The following PLPPR1 variants were observed in gnomAD, a reference collection of about 807,000 sequenced individuals.
PLPPR1 encodes phospholipid phosphatase related 1, also known as phospholipid phosphatase-related protein type 1.
A neutral mutation model predicts 33.1 loss-of-function variants in PLPPR1; 10 were observed. That is an observed-to-expected ratio of 0.30 (90% confidence interval 0.19 to 0.51). The LOEUF (loss-of-function observed/expected upper bound fraction) is 0.51, where lower values mean the gene tolerates loss of function less well. Ranked by LOEUF, PLPPR1 falls within the 20% of genes least tolerant of loss-of-function variation. PLPPR1 has a pLI of 0.97. For missense variants in PLPPR1, 304 were observed against 408.1 expected (o/e 0.74, Z 2.20); for synonymous variants, 151 against 151.0 (o/e 1.00, Z 0.00).
chr9:101,251,518 T>G (rs1827712317), intron 2 of PLPPR1, among the ~76,000 whole-genome samples: 1 of 152,102 alleles, frequency 6.6e-6, no homozygotes, highest in Non-Finnish European at 1.5e-5. Flanking sequence ...AGGGTCAATC[T>G]CTTCAATGAC....
chr9:101,046,745 C>T (rs1830155371), intron 1 of PLPPR1, among the ~76,000 whole-genome samples: 2 of 152,232 alleles, frequency 1.3e-5, no homozygotes, highest in Non-Finnish European at 2.9e-5. Context: ...ACCCGGGCTA[C>T]CTCTTTTAGT....
chr9:101,080,629 C>T (rs1250032954), intron 1 of PLPPR1, among the ~76,000 whole-genome samples: 3 of 152,208 alleles, frequency 2.0e-5, no homozygotes, highest in Non-Finnish European at 1.5e-5. Context: ...AGAATTTTCT[C>T]TTTGGCTGGT....
At chr9:101,301,456 A>G (rs1228314286) in intron 4 of PLPPR1, among the ~76,000 whole-genome samples, 1 of 152,232 alleles carries the variant, frequency 6.6e-6, no homozygotes, top group Non-Finnish European at 1.5e-5. Flanking sequence ...CCTGTGATAC[A>G]AGGCATACTT....
chr9:101,261,005 A>C (rs559589320), intron 2 of PLPPR1, among the ~76,000 whole-genome samples: 1 of 152,292 alleles, frequency 6.6e-6, no homozygotes, highest in South Asian at 2.1e-4. Flanking sequence ...AGCAAATAGA[A>C]ATTTAAAAGC....
intron 3 of PLPPR1, among the ~76,000 whole-genome samples, chr9:101,278,393 A>C (rs1249195586): frequency 6.6e-6 from 1 of 152,242 alleles, no homozygotes; most frequent in African/African-American, 2.4e-5. Context: ...TTGAGCAGCT[A>C]TCCATGCGCT....
In PLPPR1 at chr9:101,128,007, G is replaced by T. The variant is rs555605764; in HGVS notation, c.-45-57443G>T. Among the ~76,000 whole-genome samples, 107 of 152,278 alleles carry T rather than the reference G, an allele frequency of 7.0e-4. 1 individual carries two copies. Among genetic ancestry groups the T allele is most frequent in the Non-Finnish European group, 1.2e-3 (79 of 68,026 alleles). ...TGTGTAGGTGATACTGGGCTGAGGT[G>T]CAGGTAAGGATTAAGGTTAACAGAA... On this transcript the variant is annotated intron_variant, in intron 1 of 7. Coordinates refer to ENST00000374874, the MANE Select transcript of PLPPR1 (RefSeq NM_207299.2).
At chr9:101,123,674 G>A (rs968369237) in intron 1 of PLPPR1, among the ~76,000 whole-genome samples, 2 of 152,152 alleles carry the variant, frequency 1.3e-5, no homozygotes, top group African/African-American at 4.8e-5. Context: ...ATTTACAGCT[G>A]GGATGGCTTA....
intron 4 of PLPPR1, among the ~76,000 whole-genome samples, chr9:101,288,042 A>G (rs1828426463): frequency 6.6e-6 from 1 of 152,210 alleles, no homozygotes; most frequent in Non-Finnish European, 1.5e-5. Flanking sequence ...CCCTTGGCAA[A>G]GATAAATTAT....
chr9:101,291,827 G>C (rs10123108), intron 4 of PLPPR1, among the ~76,000 whole-genome samples: 52,963 of 151,886 alleles, frequency 0.35, 10,360 homozygotes, highest in African/African-American at 0.54. Flanking sequence ...TAGATAAAAC[G>C]ACAAAGATGG....
At chr9:101,267,115 G>A (rs111243156) in intron 2 of PLPPR1, among the ~76,000 whole-genome samples, 5 of 152,098 alleles carry the variant, frequency 3.3e-5, no homozygotes, top group South Asian at 2.1e-4. Flanking sequence ...GGGGACAGAC[G>A]GAACTCCAGA....
At chr9:101,038,970 CAT>C (rs1420258618) in intron 1 of PLPPR1, among the ~76,000 whole-genome samples, 1 of 152,084 alleles carries the variant, frequency 6.6e-6, no homozygotes, top group East Asian at 1.9e-4. Flanking sequence ...CATCTGTAAA[CAT>C]ATTGGTAGAG....
rs7855910 is a variant in PLPPR1, at chr9:101,313,783, A to G, written c.813+809A>G. ...GTATACAATAAATGACACATCAAGT[A>G]TACAATTTGATCAATTTTGGCATAC... On this transcript the variant is annotated intron_variant, in intron 6 of 7. Transcript: ENST00000374874. 3.3e-5 allele frequency among the ~76,000 whole-genome samples: 5 copies of G among 152,266 alleles called. No homozygotes were observed. In the South Asian group the frequency reaches 8.3e-4, roughly 25 times the overall value.
At chr9:101,131,145 C>A (rs908332214) in intron 1 of PLPPR1, among the ~76,000 whole-genome samples, 1 of 152,116 alleles carries the variant, frequency 6.6e-6, no homozygotes, top group Non-Finnish European at 1.5e-5. Flanking sequence ...GTGATTTAAC[C>A]TGACCTTGAC....
chr9:101,076,303 G>A (rs1830535884), intron 1 of PLPPR1, among the ~76,000 whole-genome samples: 1 of 152,056 alleles, frequency 6.6e-6, no homozygotes, highest in African/African-American at 2.4e-5. Flanking sequence ...TCTATTGGAA[G>A]CTTTCAAGCA....
chr9:101,323,598 G>A (rs201768509), intron 7 of PLPPR1, among the ~76,000 whole-genome samples: 1 of 152,128 alleles, frequency 6.6e-6, no homozygotes, highest in African/African-American at 2.4e-5. Context: ...CCAGCACTTT[G>A]GGAGGCTGGG....
intron 2 of PLPPR1, among the ~76,000 whole-genome samples, chr9:101,242,254 T>TC (rs892442491): frequency 3.3e-5 from 5 of 151,668 alleles, no homozygotes; most frequent in East Asian, 3.9e-4. Context: ...TTTTTTTTTT[T>TC]TCTCTGATAT....
At chr9:101,140,687 C>G (rs1428819702) in intron 1 of PLPPR1, among the ~76,000 whole-genome samples, 1 of 152,064 alleles carries the variant, frequency 6.6e-6, no homozygotes, top group Non-Finnish European at 1.5e-5. Flanking sequence ...TAGTGTGGAG[C>G]AGAATAGGGA....
rs189093749 is a variant in PLPPR1, at chr9:101,038,054, C to G, written c.-46+8952C>G. Among the ~76,000 whole-genome samples the G allele has an allele frequency of 2.0e-5, 3 of 152,184 alleles. 1 individual carries two copies. The highest frequency in any genetic ancestry group is 2.0e-4 in the Admixed American group (3 of 15,280). On this transcript the variant is annotated intron_variant, in intron 1 of 7. Coordinates refer to ENST00000374874, the MANE Select transcript of PLPPR1 (RefSeq NM_207299.2). ...ATCACTCATATTTCTGCTCTAACCT[C>G]TTTCCCAGAAAACGACTATCAGTTG...
chr9:101,082,413 C>G (rs759202023), intron 1 of PLPPR1, among the ~76,000 whole-genome samples: 1 of 151,962 alleles, frequency 6.6e-6, no homozygotes, highest in African/African-American at 2.4e-5. Context: ...CCTCCCCCAC[C>G]AAGGAGGGGA....
Sources: allele counts gnomAD v4.1 joint callset (sites outside exome capture counted in the v4.1 genomes callset), GRCh38; gene constraint gnomAD v4.1.1; transcripts MANE v1.5; gene names NCBI Gene and HGNC (gene_info 2026-07-23, HGNC 2026-07-21).